The following STK17B variants were observed in gnomAD, a reference collection of about 807,000 sequenced individuals.
STK17B encodes the protein serine/threonine-protein kinase 17B.
A neutral mutation model predicts 42.0 loss-of-function variants in STK17B; 21 were observed. The ratio of observed to expected loss-of-function variants is 0.50; its 90% CI spans 0.35 to 0.72. STK17B has a LOEUF of 0.72. Among genes scored for constraint, STK17B ranks in the 30% least tolerant of loss-of-function variants. The pLI is 0.00. For missense variants in STK17B, 349 were observed against 446.0 expected (o/e 0.78, Z 1.96); for synonymous variants, 143 against 148.4 (o/e 0.96, Z 0.26).
At chr2:196,151,215 G>A (rs920475299) in intron 3 of STK17B, 1 of 151,844 alleles carries the variant, frequency 6.6e-6, no homozygotes, top group Non-Finnish European at 1.5e-5. Context: ...CTATTTCTAG[G>A]ACAAAGTTTT....
chr2:196,134,273 G>A lies in STK17B; in HGVS notation c.*3174C>T, dbSNP rs1699363292. On this transcript the variant is annotated 3_prime_UTR_variant, in exon 8 of 8. Transcript: ENST00000263955. ...AAGTACCTTATTACTGACTAGAGCA[G>A]GGGTCCCCAGTCCCCAGGCCACGAC... The A allele has an allele frequency of 6.6e-6, 1 of 151,602 alleles. No homozygotes were observed. The highest frequency in any genetic ancestry group is 2.4e-5 in the African/African-American group (1 of 41,204). 9.4% of individuals were successfully genotyped at this position (151,602 alleles called of 1,614,324 possible). A position where few individuals can be genotyped will look rare whatever the true frequency, so the allele number is the denominator to read the frequency against.
At position 196,134,406 on chromosome 2, in the gene STK17B, T is replaced by C. The variant is rs1699366679; in HGVS notation, c.*3041A>G. Reference sequence around the variant, plus strand: ...TCTCAAAGGAGCTCGAATCCTGCTGTGAACCACACGTGCAAGAGATCTAGG... The same window carrying C: ...TCTCAAAGGAGCTCGAATCCTGCTGCGAACCACACGTGCAAGAGATCTAGG... On this transcript the variant is annotated 3_prime_UTR_variant, in exon 8 of 8. Coordinates refer to ENST00000263955, the MANE Select transcript of STK17B (RefSeq NM_004226.4). 6.6e-6 allele frequency: 1 copy of C among 152,172 alleles called. No homozygotes were observed. Among genetic ancestry groups the C allele is most frequent in the African/African-American group, 2.4e-5 (1 of 41,434 alleles). The allele number at this position is 152,172 out of a possible 1,614,324, so 9.4% of individuals were successfully genotyped here. A position where few individuals can be genotyped will look rare whatever the true frequency, so the allele number is the denominator to read the frequency against.
At chr2:196,157,960 G>C (rs571674507) in intron 2 of STK17B, among the ~76,000 whole-genome samples, 62 of 152,204 alleles carry the variant, frequency 4.1e-4, no homozygotes, top group African/African-American at 1.4e-3. Flanking sequence ...AATTCCAGAG[G>C]GTTTTCAGAT....
At chr2:196,156,134 C>T in intron 3 of STK17B, 1 of 198,836 alleles carries the variant, frequency 5.0e-6, no homozygotes, top group East Asian at 1.2e-4. Flanking sequence ...TTCTATCTGC[C>T]CATCAGATTG....
In STK17B at chr2:196,139,166, G is replaced by A. The variant is rs571689380; in HGVS notation, c.836+454C>T. 3.0e-3 allele frequency among the ~76,000 whole-genome samples: 452 copies of A among 150,780 alleles called. 1 individual carries two copies. Among genetic ancestry groups the A allele is most frequent in the Non-Finnish European group, 4.4e-3 (295 of 67,620 alleles). On this transcript the variant is annotated intron_variant, in intron 7 of 7. Coordinates refer to ENST00000263955, the MANE Select transcript of STK17B (RefSeq NM_004226.4). The stretch of plus-strand genomic sequence containing the variant: ...TTTTTAGTAGAGATGGGGTTTCACC[G>A]TGTTAGCCAGGAGGGTCTCAATCTC...
chr2:196,148,442 T>C (rs927141266), intron 3 of STK17B, among the ~76,000 whole-genome samples: 1 of 152,114 alleles, frequency 6.6e-6, no homozygotes, highest in African/African-American at 2.4e-5. Flanking sequence ...ACAAATAATA[T>C]TATATTAGGT....
chr2:196,153,094 T>A (rs549907091), intron 3 of STK17B: 1 of 152,200 alleles, frequency 6.6e-6, no homozygotes, highest in South Asian at 2.1e-4. Context: ...CACATTTTTT[T>A]AAGTTTTGAA....
chr2:196,147,306 C>CTATG (rs1214654972), intron 3 of STK17B, among the ~76,000 whole-genome samples: 2 of 151,848 alleles, frequency 1.3e-5, no homozygotes, highest in African/African-American at 4.8e-5. Context: ...AGAACAGTAT[C>CTATG]TAGCATGCAC....
chr2:196,140,957 C>A (rs1408245623), intron 6 of STK17B, among the ~76,000 whole-genome samples: 1 of 152,152 alleles, frequency 6.6e-6, no homozygotes, highest in Admixed American at 6.6e-5. Context: ...AAGCATTTCA[C>A]CTTCATCATA....
chr2:196,165,642 T>G (rs1048516043), intron 1 of STK17B: 7 of 152,218 alleles, frequency 4.6e-5, no homozygotes, highest in Admixed American at 3.3e-4. Flanking sequence ...GGAATTTTGT[T>G]GTGATTTACT....
intron 5 of STK17B, 71 bp from the exon 6 acceptor site, chr2:196,141,368 T>A: frequency 7.8e-7 from 1 of 1,280,190 alleles, no homozygotes; most frequent in Admixed American, 2.0e-5. Flanking sequence ...TTATATTACG[T>A]TATAACTGGG....
chr2:196,169,646 T>C (rs1238057518), intron 1 of STK17B, among the ~76,000 whole-genome samples: 2 of 152,236 alleles, frequency 1.3e-5, no homozygotes, highest in Non-Finnish European at 2.9e-5. Flanking sequence ...GCCATAAAAA[T>C]GCTTGTATCT....
intron 7 of STK17B, among the ~76,000 whole-genome samples, 174 bp from the exon 8 acceptor site, chr2:196,137,903 C>T (rs1224923752): frequency 6.6e-6 from 1 of 152,192 alleles, no homozygotes; most frequent in Non-Finnish European, 1.5e-5. Context: ...CTAACATTTA[C>T]TGAATGCTTA....
intron 1 of STK17B, among the ~76,000 whole-genome samples, chr2:196,169,068 A>ATTTT (rs571438990): frequency 1.8e-5 from 2 of 112,686 alleles, no homozygotes; most frequent in East Asian, 2.7e-4. Context: ...TAGGAATACT[A>ATTTT]TTTTTTTTTT....
chr2:196,141,258 G>T lies in STK17B; in HGVS notation c.647C>A (p.Thr216Lys). The T allele has an allele frequency of 6.2e-7, 1 of 1,606,518 alleles. No individual in the cohort carries two copies. The highest frequency in any genetic ancestry group is 8.5e-7 in the Non-Finnish European group (1 of 1,175,822). Residue 216 changes from threonine to lysine, a missense_variant, in exon 6 of 8, where the codon ACA becomes AAA. By Grantham distance (78) the Thr-to-Lys change is moderately conservative. Transcript: ENST00000263955. ...ILNYDPITTA[T>K]DMWNIGIIAY... is the part of the protein sequence containing the mutation. ...ACTAACAACATCTTACCACATATCT[G>T]TTGCTGTGGTAATGGGATCATAGTT...
Position 196,134,780 on chromosome 2 carries a change from C to G in STK17B, c.*2667G>C, listed in dbSNP as rs1164928475. Reference sequence around the variant, plus strand: ...ATTATCACAACATAACACTTATCTTCTCATGTGTTCAAGTGTTACTGACAT... The same window carrying G: ...ATTATCACAACATAACACTTATCTTGTCATGTGTTCAAGTGTTACTGACAT... On this transcript the variant is annotated 3_prime_UTR_variant, in exon 8 of 8. Coordinates refer to ENST00000263955, the MANE Select transcript of STK17B (RefSeq NM_004226.4). The G allele has an allele frequency of 6.6e-6, 1 of 152,200 alleles. No individual in the cohort carries two copies. Among genetic ancestry groups the G allele is most frequent in the Non-Finnish European group, 1.5e-5 (1 of 68,036 alleles). 9.4% of individuals were successfully genotyped at this position (152,200 alleles called of 1,614,324 possible).
chr2:196,174,398 TGTTTA>T (rs1301206638), upstream of STK17B: 2 of 152,220 alleles, frequency 1.3e-5, no homozygotes, highest in African/African-American at 4.8e-5. Flanking sequence ...ACCGATTCCA[TGTTTA>T]CTCCCTGTAG....
intron 3 of STK17B, among the ~76,000 whole-genome samples, chr2:196,150,990 T>C (rs529960321): frequency 3.1e-4 from 47 of 152,328 alleles, no homozygotes; most frequent in Non-Finnish European, 5.0e-4. Context: ...GTTAAGATCA[T>C]ATTAAAATGT....
At chr2:196,143,345 A>G (rs1035842023) in intron 5 of STK17B, among the ~76,000 whole-genome samples, 1 of 152,116 alleles carries the variant, frequency 6.6e-6, no homozygotes, top group Non-Finnish European at 1.5e-5. Context: ...ACACTTACAT[A>G]TTCAGTGTCC....
Sources: allele counts gnomAD v4.1 joint callset (sites outside exome capture counted in the v4.1 genomes callset), GRCh38; gene constraint gnomAD v4.1.1; transcripts MANE v1.5; gene names NCBI Gene and HGNC (gene_info 2026-07-23, HGNC 2026-07-21).